The following MED13L variants were observed in gnomAD, a reference collection of about 807,000 sequenced individuals.
The protein encoded by MED13L is mediator complex subunit 13L.
In MED13L, 7 loss-of-function variants were observed where a neutral mutation model predicts 220.9. The ratio of observed to expected loss-of-function variants is 0.03; its 90% CI spans 0.02 to 0.06. The LOEUF (loss-of-function observed/expected upper bound fraction) is 0.06. Among genes scored for constraint, MED13L ranks in the 10% least tolerant of loss-of-function variants. The pLI is 1.00. For missense variants in MED13L, 1,965 were observed against 2,760.5 expected (o/e 0.71, Z 6.46); for synonymous variants, 1,011 against 1,015.2 (o/e 1.00, Z 0.08).
At position 116,116,530 on chromosome 12, in the gene MED13L, A is replaced by C. The variant is rs145139624; in HGVS notation, c.311-5018T>G. 1.6e-3 allele frequency among the ~76,000 whole-genome samples: 247 copies of C among 152,152 alleles called. 1 individual carries two copies. The highest frequency in any genetic ancestry group is 5.7e-3 in the African/African-American group (238 of 41,548). ...CCTTTGTAATAAACCAGTAAACATA[A>C]GTAAAGTTTTCCCCTGAGTTCTGTG... On this transcript the variant is annotated intron_variant, in intron 2 of 30. Transcript: ENST00000281928.
chr12:116,008,073 A>T, intron 10 of MED13L: 1 of 358,038 alleles, frequency 2.8e-6, no homozygotes, highest in South Asian at 5.5e-5. Context: ...AAATGTCAAC[A>T]TACAAAGAAG....
chr12:116,257,949 T>C (rs1483226993), intron 1 of MED13L, among the ~76,000 whole-genome samples: 2 of 152,226 alleles, frequency 1.3e-5, no homozygotes, highest in Admixed American at 6.5e-5. Flanking sequence ...TATTACTCCA[T>C]TAATCTCTGA....
chr12:116,168,807 T>C (rs747232576), intron 2 of MED13L, among the ~76,000 whole-genome samples: 5 of 152,222 alleles, frequency 3.3e-5, no homozygotes, highest in Non-Finnish European at 4.4e-5. Flanking sequence ...TTAAAAATTA[T>C]AGAGGACTCC....
chr12:116,041,267 T>C (rs1164239187), intron 4 of MED13L, among the ~76,000 whole-genome samples: 1 of 152,156 alleles, frequency 6.6e-6, no homozygotes, highest in African/African-American at 2.4e-5. Context: ...TGTGTGTGTC[T>C]CTCCCCTGCT....
Position 115,963,482 on chromosome 12 carries a change from T to C in MED13L, c.6425A>G (p.Asp2142Gly). The C allele has an allele frequency of 6.2e-7, 1 of 1,614,166 alleles. No homozygotes were observed. The highest frequency in any genetic ancestry group is 2.2e-5 in the East Asian group (1 of 44,880). ...AGAATTCCTGGCAGGCAGAAGTTCGTCTGTCTGTGCTACTGAAATGTGGTG... is the reference window on the plus strand; with the variant it reads ...AGAATTCCTGGCAGGCAGAAGTTCGCCTGTCTGTGCTACTGAAATGTGGTG... ...LHHHISVAQT[D>G]ELLPARNSQR... Residue 2142 changes from aspartate to glycine, a missense_variant, in exon 30 of 31, where the codon GAC becomes GGC. Around this residue, in one of 10 missense-constraint regions of MED13L, gnomAD observed 145 missense variants for 328.3 expected, o/e 0.44. Transcript: ENST00000281928.
In MED13L at chr12:116,189,922, T is replaced by C. The variant is rs530140622; in HGVS notation, c.310+47546A>G. Among the ~76,000 whole-genome samples, 5 of 152,334 alleles carry C rather than the reference T, an allele frequency of 3.3e-5. No individual in the cohort carries two copies. The South Asian group carries it at 6.2e-4, about 19-fold the overall frequency. ...CCTTGCTGAACTCACTCATTAGTTC[T>C]AGATGTTTTTTTGGGGGGAGGGGAG... On this transcript the variant is annotated intron_variant, in intron 2 of 30. Coordinates refer to ENST00000281928, the MANE Select transcript of MED13L (RefSeq NM_015335.5).
chr12:116,205,527 GAAGAGAAA>G (rs1228640932), intron 2 of MED13L, among the ~76,000 whole-genome samples: 6 of 76,554 alleles, frequency 7.8e-5, no homozygotes, highest in African/African-American at 3.0e-4. Context: ...AAAAACAAAG[GAAGAGAAA>G]AAAAAAAAAA....
At chr12:116,239,130 AAAAC>A (rs538403677) in intron 1 of MED13L, among the ~76,000 whole-genome samples, 73 of 152,342 alleles carry the variant, frequency 4.8e-4, no homozygotes, top group Middle Eastern at 6.8e-3. Context: ...TCAAAAAACA[AAAAC>A]AAACAAACAA....
chr12:116,183,878 G>GA (rs1272435077), intron 2 of MED13L, among the ~76,000 whole-genome samples: 1 of 150,376 alleles, frequency 6.6e-6, no homozygotes, highest in Non-Finnish European at 1.5e-5. Context: ...TGTATATATA[G>GA]ATAGTGGCTT....
chr12:115,978,231 T>C (rs1000563410), intron 23 of MED13L, among the ~76,000 whole-genome samples: 1 of 152,046 alleles, frequency 6.6e-6, no homozygotes, highest in Non-Finnish European at 1.5e-5. Flanking sequence ...TGTGTTTCTT[T>C]GAGGGTTGAT....
At chr12:116,180,275 C>A (rs1371461981) in intron 2 of MED13L, among the ~76,000 whole-genome samples, 2 of 152,114 alleles carry the variant, frequency 1.3e-5, no homozygotes, top group Non-Finnish European at 2.9e-5. Flanking sequence ...ATCTGAAATC[C>A]AAAGTGCTCC....
chr12:116,232,905 G>GGTGAA (rs1869708002), intron 2 of MED13L, among the ~76,000 whole-genome samples: 1 of 152,070 alleles, frequency 6.6e-6, no homozygotes, highest in Admixed American at 6.5e-5. Flanking sequence ...TGGCCAACAT[G>GGTGAA]GTGAAACCCC....
At chr12:116,136,843 C>CA (rs1241019681) in intron 2 of MED13L, among the ~76,000 whole-genome samples, 1 of 152,092 alleles carries the variant, frequency 6.6e-6, no homozygotes, top group East Asian at 1.9e-4. Context: ...GTGACCTTCA[C>CA]AACATAGTAA....
chr12:116,157,205 C>A (rs1163371059), intron 2 of MED13L, among the ~76,000 whole-genome samples: 1 of 152,244 alleles, frequency 6.6e-6, no homozygotes, highest in South Asian at 2.1e-4. Flanking sequence ...CTGTGCTATG[C>A]CTTTCATAAT....
At position 116,152,412 on chromosome 12, in the gene MED13L, G is replaced by C. The variant is rs186474197; in HGVS notation, c.311-40900C>G. On this transcript the variant is annotated intron_variant, in intron 2 of 30. Transcript: ENST00000281928. ...TTGCTTGGACATACGTGATTAAAGC[G>C]TCAAGTTTTGTCTGCAGCTAAAGTT... Among the ~76,000 whole-genome samples, 41 of 152,210 alleles carry C rather than the reference G, an allele frequency of 2.7e-4. 1 individual carries two copies. The South Asian group carries it at 6.6e-3, about 25-fold the overall frequency.
chr12:116,114,609 A>G (rs1247073836), intron 2 of MED13L, among the ~76,000 whole-genome samples: 1 of 152,194 alleles, frequency 6.6e-6, no homozygotes, highest in Non-Finnish European at 1.5e-5. Context: ...CACTACTCCT[A>G]TTCCACATTA....
chr12:116,239,471 G>A (rs988183489), intron 1 of MED13L, among the ~76,000 whole-genome samples: 6 of 152,082 alleles, frequency 3.9e-5, no homozygotes, highest in African/African-American at 1.4e-4. Flanking sequence ...CATATTGCAT[G>A]ATTTATATTT....
intron 5 of MED13L, among the ~76,000 whole-genome samples, chr12:116,020,371 AAT>A (rs1051325400): frequency 6.6e-6 from 1 of 152,208 alleles, no homozygotes; most frequent in African/African-American, 2.4e-5. Flanking sequence ...TCTGTTTAAT[AAT>A]AGCCTGTACA....
chr12:116,104,481 T>C (rs765107979), intron 3 of MED13L, among the ~76,000 whole-genome samples: 17 of 152,216 alleles, frequency 1.1e-4, no homozygotes, highest in Non-Finnish European at 4.4e-5. Context: ...CTCTAAACAC[T>C]GAATCTTGGC....
Sources: gnomAD v4.1 joint callset for allele counts (sites outside exome capture counted in the v4.1 genomes callset) on GRCh38, gnomAD v4.1.1 for gene constraint, gnomAD v4.1.1 regional missense constraint, MANE v1.5 for transcripts, NCBI Gene and HGNC (gene_info 2026-07-23, HGNC 2026-07-21) for gene names.